The following CRAMP1 variants were observed in gnomAD, a reference collection of about 807,000 sequenced individuals.
CRAMP1 encodes protein cramped-like.
A neutral mutation model predicts 115.4 loss-of-function variants in CRAMP1; 50 were observed. That is an observed-to-expected ratio of 0.43 (90% CI 0.35 to 0.55). The LOEUF is 0.55. CRAMP1 is among the 20% of genes least tolerant of loss of function. The pLI is 0.01. For missense variants in CRAMP1, 1,679 were observed against 1,721.7 expected (o/e 0.98, Z 0.44); for synonymous variants, 866 against 745.4 (o/e 1.16, Z -2.64).
intron 6 of CRAMP1, among the ~76,000 whole-genome samples, chr16:1,646,615 G>C (rs910271963): frequency 4.6e-5 from 7 of 152,174 alleles, no homozygotes; most frequent in South Asian, 2.1e-4. Context: ...ACTGTGGCCT[G>C]TCTTTTTGTT....
At position 1,676,298 on chromosome 16, in the gene CRAMP1, G is replaced by C. The variant is rs2036967219; in HGVS notation, c.*2253G>C. ...CAGTGGGGAGATGGGTTAGGGAGGA[G>C]GACGGGCTGACTCCTCTCCTGTAAT... On this transcript the variant is annotated 3_prime_UTR_variant, in exon 21 of 21. Transcript: ENST00000397412. 1 of 152,388 alleles carries C rather than the reference G, an allele frequency of 6.6e-6. No homozygotes were observed. The highest frequency in any genetic ancestry group is 1.5e-5 in the Non-Finnish European group (1 of 68,220). The allele number at this position is 152,388 out of a possible 1,614,324, so 9.4% of individuals were successfully genotyped here.
chr16:1,619,909 G>A (rs1370167865), intron 2 of CRAMP1, among the ~76,000 whole-genome samples: 1 of 152,208 alleles, frequency 6.6e-6, no homozygotes, highest in East Asian at 1.9e-4. Context: ...CGCCTGGAGT[G>A]TGGACCAGAT....
chr16:1,645,223 G>T (rs1596489677), intron 6 of CRAMP1, among the ~76,000 whole-genome samples: 2 of 152,020 alleles, frequency 1.3e-5, no homozygotes, highest in Non-Finnish European at 2.9e-5. Context: ...GTCTTGCTCT[G>T]TTGCCCAGGC....
chr16:1,635,040 A>G (rs1012701322), intron 4 of CRAMP1, among the ~76,000 whole-genome samples: 6 of 152,164 alleles, frequency 3.9e-5, no homozygotes, highest in Admixed American at 3.9e-4. Flanking sequence ...CTGGGATTAC[A>G]GGTGTGCACC....
In CRAMP1 at chr16:1,672,073, G is replaced by A. The variant is rs904175748; in HGVS notation, c.3645+1264G>A. ...AGTGCTGGGCTCTGTGGAGATGGGCGCTGCGTACGTGCCCTGAGGCAGCAT... is the reference window on the plus strand; with the variant it reads ...AGTGCTGGGCTCTGTGGAGATGGGCACTGCGTACGTGCCCTGAGGCAGCAT... On this transcript the variant is annotated intron_variant, in intron 20 of 20. Coordinates refer to ENST00000397412, the MANE Select transcript of CRAMP1 (RefSeq NM_020825.4). The surrounding 1 kb of genome is among the most constrained non-coding windows in gnomAD (Gnocchi z 4.9). Among the ~76,000 whole-genome samples, 6 of 152,172 alleles carry A rather than the reference G, an allele frequency of 3.9e-5. No homozygotes were observed. The highest frequency in any genetic ancestry group is 1.2e-4 in the African/African-American group (5 of 41,442).
In CRAMP1 at chr16:1,630,665, G is replaced by A. The variant is rs556869498; in HGVS notation, c.541-1547G>A. On this transcript the variant is annotated intron_variant, in intron 3 of 20. Coordinates refer to ENST00000397412, the MANE Select transcript of CRAMP1 (RefSeq NM_020825.4). ...TGGCCAGGACGCTGCGCCGCACTCGGCTGCCCAAACTCCTCAGTCTCTTGT... is the reference window on the plus strand; with the variant it reads ...TGGCCAGGACGCTGCGCCGCACTCGACTGCCCAAACTCCTCAGTCTCTTGT... 3.3e-5 allele frequency among the ~76,000 whole-genome samples: 5 copies of A among 152,302 alleles called. No individual in the cohort carries two copies. In the South Asian group the frequency reaches 1.0e-3, roughly 32 times the overall value.
chr16:1,619,810 C>T (rs780310508), intron 2 of CRAMP1, among the ~76,000 whole-genome samples: 32 of 152,110 alleles, frequency 2.1e-4, no homozygotes, highest in Non-Finnish European at 3.4e-4. Flanking sequence ...CAGAGGGTGT[C>T]GTGGAGACCA....
chr16:1,618,218 G>T (rs1938879322), intron 2 of CRAMP1, among the ~76,000 whole-genome samples: 1 of 152,314 alleles, frequency 6.6e-6, no homozygotes, highest in South Asian at 2.1e-4. Context: ...GGAGGCGGAG[G>T]TTGCAGTGAG....
chr16:1,649,944 C>T (rs1227130812), intron 6 of CRAMP1, among the ~76,000 whole-genome samples: 1 of 152,020 alleles, frequency 6.6e-6, no homozygotes, highest in Non-Finnish European at 1.5e-5. Context: ...CAGGTGCATG[C>T]CACCATGCCC....
In CRAMP1 at chr16:1,655,153, G is replaced by A. The variant is rs762729813; in HGVS notation, c.1038-66G>A. 5.3e-4 allele frequency: 738 copies of A among 1,383,858 alleles called. 1 individual carries two copies. Among genetic ancestry groups the A allele is most frequent in the Non-Finnish European group, 7.1e-4 (692 of 971,000 alleles). The allele number at this position is 1,383,858 out of a possible 1,614,324, so 85.7% of individuals were successfully genotyped here. A position where few individuals can be genotyped will look rare whatever the true frequency, so the allele number is the denominator to read the frequency against. ...CACCCTCCTGCTGTAAGCAGCCTCG[G>A]GACTCTTCAGATGGTTTCCTTCCTG... On this transcript the variant is annotated intron_variant, in intron 8 of 20. Coordinates refer to ENST00000397412, the MANE Select transcript of CRAMP1 (RefSeq NM_020825.4).
rs2036875228 is a variant in CRAMP1, at chr16:1,666,270, A to G, written c.2857+93A>G. On this transcript the variant is annotated intron_variant, in intron 15 of 20. Coordinates refer to ENST00000397412, the MANE Select transcript of CRAMP1 (RefSeq NM_020825.4). The surrounding 1 kb of genome is among the most constrained non-coding windows in gnomAD (Gnocchi z 5.0). ...TTTTGAATGTTTTCTTCTCCAAATC[A>G]TAATGTCTCATTACCCTTCACCAAG... 1.4e-5 allele frequency: 17 copies of G among 1,176,326 alleles called. No homozygotes were observed. Among genetic ancestry groups the G allele is most frequent in the Admixed American group, 6.1e-5 (3 of 49,358 alleles). 72.9% of individuals were successfully genotyped at this position (1,176,326 alleles called of 1,614,324 possible).
chr16:1,631,429 T>C (rs2036547604), intron 3 of CRAMP1, among the ~76,000 whole-genome samples: 1 of 152,258 alleles, frequency 6.6e-6, no homozygotes, highest in South Asian at 2.1e-4. Context: ...CAGTGGCTGC[T>C]TGCTGCTCTG....
chr16:1,647,268 A>G (rs1353966771), intron 6 of CRAMP1, among the ~76,000 whole-genome samples: 1 of 152,242 alleles, frequency 6.6e-6, no homozygotes, highest in Non-Finnish European at 1.5e-5. Flanking sequence ...AAAGCTTACT[A>G]CGTGGTTCGC....
At chr16:1,635,024 G>A (rs1040874857) in intron 4 of CRAMP1, among the ~76,000 whole-genome samples, 4 of 152,062 alleles carry the variant, frequency 2.6e-5, no homozygotes, top group South Asian at 2.1e-4. Flanking sequence ...TCAGCCTCCC[G>A]AGTAGCTGGG....
Position 1,670,796 on chromosome 16 carries a change from C to A in CRAMP1, c.3632C>A (p.Ala1211Asp). Residue 1211 changes from alanine (A) to aspartate (D), a missense_variant, in exon 20 of 21, where the codon GCT (alanine) becomes GAT (aspartate). Transcript: ENST00000397412. ...GACTCATTTGTGTCCAGGTCCCTGG[C>A]TGACGTTGCAGAGGTGAGTGCATTG... is the stretch of plus-strand genomic sequence containing the variant. ...SRDSFVSRSL[A>D]DVAEVVDSQL... The A allele has an allele frequency of 3.1e-6, 5 of 1,613,976 alleles. No homozygotes were observed. Among genetic ancestry groups the A allele is most frequent in the Non-Finnish European group, 3.4e-6 (4 of 1,179,874 alleles).
chr16:1,672,278 G>A lies in CRAMP1; in HGVS notation c.3645+1469G>A, dbSNP rs1328177867. ...AGGGTGCAGTTAGTATTTGTGAAAC[G>A]CTGCCCGTCGCGAGTAATGCAAACG... On this transcript the variant is annotated intron_variant, in intron 20 of 20. Transcript: ENST00000397412. This position sits in a 1 kb window ranked among gnomAD's most constrained non-coding sequence, Gnocchi z 4.9. Among the ~76,000 whole-genome samples the A allele has an allele frequency of 6.6e-6, 1 of 152,212 alleles. No individual in the cohort carries two copies. The highest frequency in any genetic ancestry group is 1.9e-4 in the East Asian group (1 of 5,194).
At chr16:1,618,131 A>G (rs1223004872) in intron 2 of CRAMP1, among the ~76,000 whole-genome samples, 1 of 152,204 alleles carries the variant, frequency 6.6e-6, no homozygotes, top group African/African-American at 2.4e-5. Flanking sequence ...TGGCCAGTTC[A>G]TGATCCAGCT....
intron 6 of CRAMP1, among the ~76,000 whole-genome samples, chr16:1,645,098 G>A (rs940723355): frequency 2.6e-5 from 4 of 151,712 alleles, no homozygotes. Flanking sequence ...TTTTAGAGCA[G>A]TTTTAAGTTG....
At position 1,636,200 on chromosome 16, in the gene CRAMP1, G is replaced by T. The variant is rs146221180; in HGVS notation, c.695-1624G>T. 7.2e-5 allele frequency among the ~76,000 whole-genome samples: 11 copies of T among 152,170 alleles called. No individual in the cohort carries two copies. The East Asian group carries it at 2.1e-3, about 29-fold the overall frequency. ...AGCCTGACTAACGTGGTGAAACCCC[G>T]TCTCTACTAAAAATACAAACATTAG... On this transcript the variant is annotated intron_variant, in intron 4 of 20. Coordinates refer to ENST00000397412, the MANE Select transcript of CRAMP1 (RefSeq NM_020825.4).
Sources: gnomAD v4.1 joint callset for allele counts (sites outside exome capture counted in the v4.1 genomes callset) on GRCh38, gnomAD v4.1.1 for gene constraint, Gnocchi (gnomAD v3.1) non-coding constraint, MANE v1.5 for transcripts, NCBI Gene and HGNC (gene_info 2026-07-23, HGNC 2026-07-21) for gene names.